The following LAMC2 variants were observed in gnomAD, a reference collection of about 807,000 sequenced individuals.
LAMC2 encodes laminin subunit gamma 2.
In LAMC2, 97 loss-of-function variants were observed where a neutral mutation model predicts 140.2. The observed-to-expected ratio is 0.69, with a 90% CI of 0.59 to 0.82. LAMC2 has a LOEUF of 0.82. LAMC2 is among the 40% of genes least tolerant of loss of function. The pLI is 0.00. For synonymous variants in LAMC2, 513 were observed against 540.2 expected (o/e 0.95, Z 0.70); for missense variants, 1,402 against 1,476.1 (o/e 0.95, Z 0.82).
chr1:183,222,060 A>G, intron 5 of LAMC2, 29 bp from the exon 6 acceptor site: 1 of 1,614,108 alleles, frequency 6.2e-7, no homozygotes, highest in Non-Finnish European at 8.5e-7. Context: ...GGGCTTGTCC[A>G]ATGCAGACTG....
At chr1:183,230,770 T>C (rs1659774230) in intron 11 of LAMC2, among the ~76,000 whole-genome samples, 191 bp from the exon 12 acceptor site, 1 of 152,162 alleles carries the variant, frequency 6.6e-6, no homozygotes, top group Admixed American at 6.5e-5. Flanking sequence ...AAGGCTGTAA[T>C]CTCCCTGCAT....
Position 183,225,230 on chromosome 1 carries a change from T to TA in LAMC2, c.954-370dup, listed in dbSNP as rs199806340. 5.7e-3 allele frequency among the ~76,000 whole-genome samples: 872 copies of TA among 152,016 alleles called. 15 individuals are homozygous for TA. In the East Asian group the frequency reaches 0.061, roughly 11 times the overall value. On this transcript the variant is annotated intron_variant, in intron 7 of 22. Transcript: ENST00000264144. ...CAGATAACAAATAAATGATTTTTTT[T>TA]AAAAAAAATGAATAGTAGCTCTTGA... is the stretch of plus-strand genomic sequence containing the variant.
intron 2 of LAMC2, among the ~76,000 whole-genome samples, chr1:183,213,208 A>G (rs1260222937): frequency 6.6e-6 from 1 of 152,244 alleles, no homozygotes; most frequent in Non-Finnish European, 1.5e-5. Context: ...GCCTAACTCA[A>G]CATCTAAGGA....
At chr1:183,190,639 C>T (rs1372879301) in intron 1 of LAMC2, among the ~76,000 whole-genome samples, 1 of 152,060 alleles carries the variant, frequency 6.6e-6, no homozygotes, top group African/African-American at 2.4e-5. Context: ...AGGATTTGGA[C>T]AACTTGATTA....
intron 9 of LAMC2, among the ~76,000 whole-genome samples, 155 bp downstream of exon 9, chr1:183,227,071 C>A (rs1659649069): frequency 6.6e-6 from 1 of 152,174 alleles, no homozygotes; most frequent in Admixed American, 6.5e-5. Context: ...TGCCTTATTA[C>A]ACTCAATCCT....
chr1:183,197,671 G>A (rs1034393460), intron 1 of LAMC2, among the ~76,000 whole-genome samples: 6 of 123,524 alleles, frequency 4.9e-5, no homozygotes, highest in Non-Finnish European at 6.9e-5. Context: ...GCGAGACTCC[G>A]TCTCAAAAAA....
rs534635783 is a variant in LAMC2 at position 183,243,454 on chromosome 1, C to T, written c.*54C>T. ...TTCTTGGGATACAGATCTCAGGGCT[C>T]GGGAGCCATGTCATGTGAGTGGGTG... On this transcript the variant is annotated 3_prime_UTR_variant, in exon 23 of 23. Coordinates refer to ENST00000264144, the MANE Select transcript of LAMC2 (RefSeq NM_005562.3). 1.7e-5 allele frequency: 27 copies of T among 1,610,972 alleles called. No homozygotes were observed. The East Asian group carries it at 2.2e-4, about 13-fold the overall frequency.
chr1:183,208,216 T>G, intron 2 of LAMC2, 147 bp downstream of exon 2: 3 of 742,560 alleles, frequency 4.0e-6, no homozygotes, highest in Non-Finnish European at 4.7e-6. Flanking sequence ...GAGGGAGATG[T>G]TCAACCTCAC....
chr1:183,251,663 C>T, the LAMC2 span: 2 of 153,004 alleles, frequency 1.3e-5, no homozygotes, highest in African/African-American at 4.8e-5. Context: ...CAGCTACAGT[C>T]CACAAAGGTA....
chr1:183,250,649 A>G, the LAMC2 span: 1 of 152,626 alleles, frequency 6.6e-6, no homozygotes, highest in Admixed American at 6.5e-5. Flanking sequence ...TTTAAAGGAA[A>G]GTGTTGGATC....
At chr1:183,234,534 A>G in intron 15 of LAMC2, 88 bp downstream of exon 15, 1 of 1,025,442 alleles carries the variant, frequency 9.8e-7, no homozygotes, top group Non-Finnish European at 1.5e-6. Context: ...GGACCCAAGC[A>G]TCGTATTTAT....
chr1:183,200,380 ACT>A, intron 1 of LAMC2, among the ~76,000 whole-genome samples: 1 of 140,406 alleles, frequency 7.1e-6, no homozygotes, highest in East Asian at 2.2e-4. Flanking sequence ...ACAGAACGAG[ACT>A]CTGTTTCAAA....
At chr1:183,252,879 G>C in the LAMC2 span, 1 of 623,030 alleles carries the variant, frequency 1.6e-6, no homozygotes, top group South Asian at 1.9e-5. Context: ...ATTAGGAAAG[G>C]CCCTCTTGCC....
chr1:183,241,336 C>T lies in LAMC2; in HGVS notation c.3328+945C>T, dbSNP rs144499275. 114 of 984,798 alleles carry T rather than the reference C, an allele frequency of 1.2e-4. 1 individual carries two copies. In the African/African-American group the frequency reaches 1.9e-3, roughly 16 times the overall value. 61.0% of individuals were successfully genotyped at this position (984,798 alleles called of 1,614,324 possible). A position where few individuals can be genotyped will look rare whatever the true frequency, so the allele number is the denominator to read the frequency against. The stretch of plus-strand genomic sequence containing the variant: ...AACCAAAGTTATACCTTGATGTAAC[C>T]AGTGGGAGGAACTTGAGCTGCTTGG... On this transcript the variant is annotated intron_variant, in intron 22 of 22. Coordinates refer to ENST00000264144, the MANE Select transcript of LAMC2 (RefSeq NM_005562.3).
chr1:183,207,918 T>C lies in LAMC2; in HGVS notation c.117T>C (p.Phe39=). 1 of 1,613,992 alleles carries C rather than the reference T, an allele frequency of 6.2e-7. No homozygotes were observed. The highest frequency in any genetic ancestry group is 8.5e-7 in the Non-Finnish European group (1 of 1,179,992). Residue 39 remains phenylalanine, a synonymous_variant, in exon 2 of 23, where the codon TTT becomes TTC. Transcript: ENST00000264144. ...DCNGKSRQCI[F]DRELHRQTGN... ...ATGGGAAGTCCAGGCAGTGTATCTT[T>C]GATCGGGAACTTCACAGACAAACTG...
intron 1 of LAMC2, among the ~76,000 whole-genome samples, chr1:183,204,062 G>A (rs1032113218): frequency 2.0e-5 from 3 of 152,098 alleles, no homozygotes; most frequent in African/African-American, 7.2e-5. Context: ...GGCTGAGGTG[G>A]GAGGATTGCT....
downstream of LAMC2, among the ~76,000 whole-genome samples, chr1:183,246,503 T>C (rs1240730467): frequency 6.6e-6 from 1 of 152,240 alleles, no homozygotes; most frequent in South Asian, 2.1e-4. Flanking sequence ...GTTGGTAAGC[T>C]ATTACAAATG....
chr1:183,225,758 G>A (rs760239478), intron 8 of LAMC2, 38 bp downstream of exon 8: 3 of 1,400,710 alleles, frequency 2.1e-6, no homozygotes, highest in Non-Finnish European at 3.0e-6. Flanking sequence ...TTCTTCTTAG[G>A]TGTTAGTTTA....
At position 183,228,103 on chromosome 1, in the gene LAMC2, A is replaced by C. The variant is rs1379190851; in HGVS notation, c.1469-271A>C. 6.6e-6 allele frequency among the ~76,000 whole-genome samples: 1 copy of C among 152,178 alleles called. No individual in the cohort carries two copies. The highest frequency in any genetic ancestry group is 1.5e-5 in the Non-Finnish European group (1 of 68,034). On this transcript the variant is annotated intron_variant, in intron 10 of 22. Coordinates refer to ENST00000264144, the MANE Select transcript of LAMC2 (RefSeq NM_005562.3). The surrounding 1 kb of genome is among the most constrained non-coding windows in gnomAD (Gnocchi z 4.3). Reference sequence around the variant, plus strand: ...CAGCAGTTTTGGGGGTATTGCTCAAAACCTTACTACTTCTGTGGAGCTGCC... The same window carrying C: ...CAGCAGTTTTGGGGGTATTGCTCAACACCTTACTACTTCTGTGGAGCTGCC...
Sources: allele counts gnomAD v4.1 joint callset (sites outside exome capture counted in the v4.1 genomes callset), GRCh38; gene constraint gnomAD v4.1.1; non-coding constraint Gnocchi (gnomAD v3.1); transcripts MANE v1.5; gene names NCBI Gene and HGNC (gene_info 2026-07-23, HGNC 2026-07-21).